The following VTI1B variants were observed in gnomAD, a reference collection of about 807,000 sequenced individuals.
VTI1B encodes the protein vesicle transport through interaction with t-SNAREs homolog 1B.
Under a neutral mutation model 28.6 loss-of-function variants are expected in VTI1B, and 18 were observed. The ratio of observed to expected loss-of-function variants is 0.63; its 90% CI spans 0.43 to 0.93. The LOEUF is 0.93. Among genes scored for constraint, VTI1B ranks in the 40% least tolerant of loss-of-function variants. The pLI is 0.00. For missense variants in VTI1B, 283 were observed against 297.0 expected, an observed-to-expected ratio of 0.95 and a Z score of 0.35; for synonymous variants, 100 against 107.9, an observed-to-expected ratio of 0.93 and a Z score of 0.46.
chr14:67,671,911 C>T (rs1463982142), intron 1 of VTI1B, among the ~76,000 whole-genome samples: 1 of 152,210 alleles, frequency 6.6e-6, no homozygotes, highest in Admixed American at 6.5e-5. Flanking sequence ...ATGGAGCCCT[C>T]ATGGTCTAAT....
chr14:67,651,134 A>T lies in VTI1B; in HGVS notation c.*251T>A. 1 of 901,068 alleles carries T rather than the reference A, an allele frequency of 1.1e-6. No homozygotes were observed. Among genetic ancestry groups the T allele is most frequent in the Non-Finnish European group, 1.6e-6 (1 of 608,674 alleles). The allele number at this position is 901,068 out of a possible 1,614,324, so 55.8% of individuals were successfully genotyped here. On this transcript the variant is annotated 3_prime_UTR_variant, in exon 6 of 6. Coordinates refer to ENST00000554659, the MANE Select transcript of VTI1B (RefSeq NM_006370.3). Reference sequence around the variant, plus strand: ...GCAGTTCACAGGGTATTAATATGCTACAGTACTATGTAAATTTAAAGAAGT... The same window carrying T: ...GCAGTTCACAGGGTATTAATATGCTTCAGTACTATGTAAATTTAAAGAAGT...
Position 67,665,911 on chromosome 14 carries a change from T to C in VTI1B, c.116-3376A>G, listed in dbSNP as rs571198639. Reference sequence around the variant, plus strand: ...GCAAATGGTATGACTCTTGACCATCTATGATGTAACTGAAATGAGCACCAA... The same window carrying C: ...GCAAATGGTATGACTCTTGACCATCCATGATGTAACTGAAATGAGCACCAA... On this transcript the variant is annotated intron_variant, in intron 1 of 5. Transcript: ENST00000554659. Among the ~76,000 whole-genome samples the C allele has an allele frequency of 1.1e-3, 161 of 152,320 alleles. 3 individuals carry two copies. In the South Asian group the frequency reaches 0.031, roughly 30 times the overall value.
intron 1 of VTI1B, among the ~76,000 whole-genome samples, chr14:67,666,475 T>C (rs947545669): frequency 2.6e-5 from 4 of 152,222 alleles, no homozygotes; most frequent in African/African-American, 9.7e-5. Context: ...ATTTATGAGA[T>C]CCTTTCTGGA....
intron 2 of VTI1B, among the ~76,000 whole-genome samples, chr14:67,661,529 CTTTTTTT>C (rs35440818): frequency 9.1e-6 from 1 of 110,076 alleles, no homozygotes; most frequent in Non-Finnish European, 1.8e-5. Flanking sequence ...GAACAGTAAC[CTTTTTTT>C]TTTTTTTTTT....
chr14:67,661,575 C>A (rs1431301071), intron 2 of VTI1B, among the ~76,000 whole-genome samples: 2 of 148,314 alleles, frequency 1.3e-5, no homozygotes, highest in East Asian at 4.0e-4. Flanking sequence ...CTCTGTCACC[C>A]AGACTGGAGT....
intron 4 of VTI1B, among the ~76,000 whole-genome samples, chr14:67,654,902 G>A (rs1193652497): frequency 6.6e-6 from 1 of 151,832 alleles, no homozygotes; most frequent in Non-Finnish European, 1.5e-5. Context: ...GGTGGCAGAC[G>A]CCTGTAGTCC....
Position 67,648,391 on chromosome 14 carries a change from C to A in VTI1B, c.*2994G>T. 3 of 445,874 alleles carry A rather than the reference C, an allele frequency of 6.7e-6. No homozygotes were observed. Among genetic ancestry groups the A allele is most frequent in the Non-Finnish European group, 1.2e-5 (3 of 257,798 alleles). 27.6% of individuals were successfully genotyped at this position (445,874 alleles called of 1,614,324 possible). The stretch of plus-strand genomic sequence containing the variant: ...TGGACATGGCTCTTACCAAATTACA[C>A]TAAGGTAATAATGAGTAAAAAATTG... On this transcript the variant is annotated 3_prime_UTR_variant, in exon 6 of 6. Transcript: ENST00000554659.
At chr14:67,652,838 G>A (rs1316882941) in intron 5 of VTI1B, among the ~76,000 whole-genome samples, 1 of 152,010 alleles carries the variant, frequency 6.6e-6, no homozygotes, top group Non-Finnish European at 1.5e-5. Context: ...TTGTCCCCCA[G>A]GCTAGAGTGC....
Position 67,659,833 on chromosome 14 carries a change from A to C in VTI1B, c.264T>G (p.Leu88=). ...MSKLRNYRKD[L]AKLHREVRST... ...TTCTCACCTCCCGATGGAGTTTAGC[A>C]AGGTCCTTCCGGTAGTTTCGAAGCT... is the stretch of plus-strand genomic sequence containing the variant. Residue 88 remains leucine (L), a synonymous_variant, in exon 3 of 6, where the codon CTT becomes CTG. Transcript: ENST00000554659. The C allele has an allele frequency of 6.2e-7, 1 of 1,614,214 alleles. No homozygotes were observed. The highest frequency in any genetic ancestry group is 8.5e-7 in the Non-Finnish European group (1 of 1,180,036).
intron 3 of VTI1B, among the ~76,000 whole-genome samples, chr14:67,657,897 C>T (rs963083215): frequency 1.3e-5 from 2 of 151,876 alleles, no homozygotes; most frequent in African/African-American, 4.8e-5. Context: ...TACAGGCACC[C>T]GCCACCACGC....
At chr14:67,656,836 A>G (rs567734846) in intron 3 of VTI1B, among the ~76,000 whole-genome samples, 129 of 152,342 alleles carry the variant, frequency 8.5e-4, no homozygotes, top group African/African-American at 3.0e-3. Context: ...AGGCAAGGAA[A>G]GATGGATTAA....
At position 67,653,513 on chromosome 14, in the gene VTI1B, T is replaced by C. The variant is rs754056554; in HGVS notation, c.541-15A>G. Reference sequence around the variant, plus strand: ...GTGTTTACCAGCTGAGAAGAGAAAATAGTGATTATTTCCCTCTTTAAAAAG... The same window carrying C: ...GTGTTTACCAGCTGAGAAGAGAAAACAGTGATTATTTCCCTCTTTAAAAAG... On this transcript the variant is annotated splice_polypyrimidine_tract_variant and intron_variant, in intron 4 of 5. Coordinates refer to ENST00000554659, the MANE Select transcript of VTI1B (RefSeq NM_006370.3). 3.7e-6 allele frequency: 6 copies of C among 1,609,948 alleles called. No individual in the cohort carries two copies. The highest frequency in any genetic ancestry group is 3.3e-5 in the Admixed American group (2 of 59,926).
At position 67,669,388 on chromosome 14, in the gene VTI1B, GCCT is replaced by G. The variant is rs201879174; in HGVS notation, c.115+4984_115+4986del. Among the ~76,000 whole-genome samples, 20 of 151,054 alleles carry G rather than the reference GCCT, an allele frequency of 1.3e-4. No homozygotes were observed. The East Asian group carries it at 3.9e-3, about 29-fold the overall frequency. The stretch of plus-strand genomic sequence containing the variant: ...AGACTCAAGTGATCCTCCTGCCTCA[GCCT>G]CCTGAGCAGCTGGGATTACAAGTGA... On this transcript the variant is annotated intron_variant, in intron 1 of 5. Coordinates refer to ENST00000554659, the MANE Select transcript of VTI1B (RefSeq NM_006370.3).
intron 4 of VTI1B, among the ~76,000 whole-genome samples, chr14:67,655,414 C>G (rs2037242910): frequency 6.6e-6 from 1 of 152,128 alleles, no homozygotes; most frequent in Non-Finnish European, 1.5e-5. Context: ...CTCAGAGTGA[C>G]AGCAGACTAG....
At chr14:67,661,397 GAGACT>G (rs773943006) in intron 2 of VTI1B, among the ~76,000 whole-genome samples, 2 of 150,694 alleles carry the variant, frequency 1.3e-5, no homozygotes, top group Non-Finnish European at 2.9e-5. Flanking sequence ...GGTACCAACT[GAGACT>G]CATGCATGTC....
chr14:67,649,840 T>TA lies in VTI1B; in HGVS notation c.*1544dup, dbSNP rs2037149332. On this transcript the variant is annotated 3_prime_UTR_variant, in exon 6 of 6. Transcript: ENST00000554659. ...ATTCTTAGATACTTGTATTCCTGAA[T>TA]ACTAGCTTGTTCAGATCACCCTTCA... 1 of 152,224 alleles carries TA rather than the reference T, an allele frequency of 6.6e-6. No individual in the cohort carries two copies. The highest frequency in any genetic ancestry group is 2.1e-4 in the South Asian group (1 of 4,836). 9.4% of individuals were successfully genotyped at this position (152,224 alleles called of 1,614,324 possible).
Position 67,650,744 on chromosome 14 carries a change from G to A in VTI1B, c.*641C>T. 1 of 1,614,098 alleles carries A rather than the reference G, an allele frequency of 6.2e-7. No homozygotes were observed. The highest frequency in any genetic ancestry group is 8.5e-7 in the Non-Finnish European group (1 of 1,180,016). The stretch of plus-strand genomic sequence containing the variant: ...GCTATCAGCACTGGATCTTGTTGAA[G>A]TCAATCCTCAGTTGGCCACCTCAGA... On this transcript the variant is annotated 3_prime_UTR_variant, in exon 6 of 6. Coordinates refer to ENST00000554659, the MANE Select transcript of VTI1B (RefSeq NM_006370.3).
rs112890187 is a variant in VTI1B, at chr14:67,665,845, C to T, written c.116-3310G>A. Among the ~76,000 whole-genome samples, 116 of 152,162 alleles carry T rather than the reference C, an allele frequency of 7.6e-4. 1 individual carries two copies. Among genetic ancestry groups the T allele is most frequent in the African/African-American group, 2.7e-3 (114 of 41,518 alleles). On this transcript the variant is annotated intron_variant, in intron 1 of 5. Coordinates refer to ENST00000554659, the MANE Select transcript of VTI1B (RefSeq NM_006370.3). ...TCCATACCACTCACAAAACCCATGG[C>T]TGTTTGTTGTTTAAAAAAAGGTAGA...
In VTI1B at chr14:67,669,385, T is replaced by G. The variant is rs375266889; in HGVS notation, c.115+4990A>C. ...GCTAGACTCAAGTGATCCTCCTGCC[T>G]CAGCCTCCTGAGCAGCTGGGATTAC... On this transcript the variant is annotated intron_variant, in intron 1 of 5. Transcript: ENST00000554659. 3.0e-4 allele frequency among the ~76,000 whole-genome samples: 46 copies of G among 151,640 alleles called. 1 individual carries two copies. The highest frequency in any genetic ancestry group is 1.1e-3 in the African/African-American group (45 of 41,354).
Sources: allele counts gnomAD v4.1 joint callset (sites outside exome capture counted in the v4.1 genomes callset), GRCh38; gene constraint gnomAD v4.1.1; transcripts MANE v1.5; gene names NCBI Gene and HGNC (gene_info 2026-07-23, HGNC 2026-07-21).